The following RFX3 variants were observed in gnomAD, a reference collection of about 807,000 sequenced individuals.
The protein encoded by RFX3 is transcription factor RFX3.
Under a neutral mutation model 98.6 loss-of-function variants are expected in RFX3, and 14 were observed. That is an observed-to-expected ratio of 0.14 (90% CI 0.09 to 0.22). The LOEUF is 0.22. RFX3 is among the 10% of genes least tolerant of loss of function. The pLI is 1.00. For missense variants in RFX3, 639 were observed against 926.9 expected (o/e 0.69, Z 4.03); for synonymous variants, 383 against 328.4 (o/e 1.17, Z -1.80).
At chr9:3,411,405 A>C (rs1193209022) in intron 1 of RFX3, among the ~76,000 whole-genome samples, 4 of 151,808 alleles carry the variant, frequency 2.6e-5, no homozygotes, top group African/African-American at 9.7e-5. Flanking sequence ...TTCTGTTGCC[A>C]AGGCTGAAGT....
At chr9:3,462,852 TAAC>T (rs1847823698) in intron 1 of RFX3, among the ~76,000 whole-genome samples, 1 of 152,004 alleles carries the variant, frequency 6.6e-6, no homozygotes, top group Non-Finnish European at 1.5e-5. Context: ...GGAATAAAGT[TAAC>T]AAAAAATATA....
intron 2 of RFX3, among the ~76,000 whole-genome samples, chr9:3,392,113 C>G (rs911663867): frequency 2.6e-5 from 4 of 152,086 alleles, no homozygotes; most frequent in Non-Finnish European, 4.4e-5. Flanking sequence ...ATTAAAAAGC[C>G]TTGTCAGTCA....
chr9:3,365,464 T>C (rs949920009), intron 2 of RFX3, among the ~76,000 whole-genome samples: 4 of 152,162 alleles, frequency 2.6e-5, no homozygotes, highest in Non-Finnish European at 5.9e-5. Flanking sequence ...CTTTAGAGAT[T>C]TACATTTCAT....
chr9:3,466,383 A>T (rs1848220167), intron 1 of RFX3, among the ~76,000 whole-genome samples: 1 of 152,172 alleles, frequency 6.6e-6, no homozygotes, highest in South Asian at 2.1e-4. Context: ...TCTCAAGCAA[A>T]TAATAAATTA....
chr9:3,496,869 C>G (rs1261132020), intron 1 of RFX3, among the ~76,000 whole-genome samples: 1 of 151,964 alleles, frequency 6.6e-6, no homozygotes, highest in African/African-American at 2.4e-5. Flanking sequence ...GTTAAAGATA[C>G]TTGTGTATGT....
Position 3,374,316 on chromosome 9 carries a change from G to A in RFX3, c.117+21156C>T, listed in dbSNP as rs189738520. On this transcript the variant is annotated intron_variant, in intron 2 of 16. Coordinates refer to ENST00000617270, the MANE Select transcript of RFX3 (RefSeq NM_001282116.2). The stretch of plus-strand genomic sequence containing the variant: ...AATTATCATATGATCCAGCAATTCC[G>A]CTTCTCAGTATATACTCAAAATAAT... 1.2e-4 allele frequency among the ~76,000 whole-genome samples: 18 copies of A among 152,164 alleles called. No individual in the cohort carries two copies. The East Asian group carries it at 2.1e-3, about 18-fold the overall frequency.
At position 3,423,389 on chromosome 9, in the gene RFX3, T is replaced by C. The variant is rs112308254; in HGVS notation, c.-8-27793A>G. On this transcript the variant is annotated intron_variant, in intron 1 of 16. Transcript: ENST00000617270. ...GCTAAAACTGAAAACCAAATATACA[T>C]CAAGAGGTGAATGGACAAACTGTAG... Among the ~76,000 whole-genome samples the C allele has an allele frequency of 7.4e-3, 1,125 of 152,130 alleles. 10 individuals are homozygous for C. Among genetic ancestry groups the C allele is most frequent in the African/African-American group, 0.026 (1,070 of 41,472 alleles).
chr9:3,275,646 T>C (rs1397076189), intron 8 of RFX3, 34 bp from the exon 9 acceptor site: 5 of 1,318,954 alleles, frequency 3.8e-6, no homozygotes, highest in Middle Eastern at 1.8e-4. Flanking sequence ...AAAAAAGCTA[T>C]TGTGGATGGT....
chr9:3,505,039 T>C (rs1243672442), intron 1 of RFX3, among the ~76,000 whole-genome samples: 1 of 90,770 alleles, frequency 1.1e-5, no homozygotes, highest in African/African-American at 4.5e-5. Context: ...TAATATAATA[T>C]ATTTTATATT....
intron 3 of RFX3, among the ~76,000 whole-genome samples, chr9:3,342,660 C>T (rs570126814): frequency 1.1e-3 from 172 of 151,948 alleles, no homozygotes; most frequent in African/African-American, 4.0e-3. Flanking sequence ...AGAAAAAAAT[C>T]ATTTTATTTT....
chr9:3,378,307 T>C (rs1020820615), intron 2 of RFX3, among the ~76,000 whole-genome samples: 2 of 152,162 alleles, frequency 1.3e-5, no homozygotes, highest in South Asian at 2.1e-4. Flanking sequence ...GTAAGCTATA[T>C]GTGGAAAAAT....
chr9:3,380,351 C>G (rs1399979625), intron 2 of RFX3, among the ~76,000 whole-genome samples: 1 of 152,196 alleles, frequency 6.6e-6, no homozygotes, highest in Admixed American at 6.5e-5. Context: ...CACCTCTTTG[C>G]TCCCACATCC....
intron 1 of RFX3, among the ~76,000 whole-genome samples, chr9:3,478,364 T>G (rs1849450436): frequency 6.6e-6 from 1 of 151,888 alleles, no homozygotes; most frequent in Non-Finnish European, 1.5e-5. Context: ...ATTTTACAGA[T>G]CCTGTATTCC....
At chr9:3,482,164 A>G (rs140882357) in intron 1 of RFX3, among the ~76,000 whole-genome samples, 2 of 152,212 alleles carry the variant, frequency 1.3e-5, no homozygotes, top group East Asian at 3.9e-4. Context: ...CATACATACA[A>G]TGCTAATAAA....
rs1267659242 is a variant in RFX3, at chr9:3,225,263, C to G, written c.2029G>C (p.Glu677Gln). The G allele has an allele frequency of 6.2e-7, 1 of 1,613,638 alleles. No homozygotes were observed. The highest frequency in any genetic ancestry group is 8.5e-7 in the Non-Finnish European group (1 of 1,179,884). The change falls in exon 17 of 17, where the codon GAA becomes CAA. Residue 677 changes from glutamate to glutamine, a missense_variant. Coordinates refer to ENST00000617270, the MANE Select transcript of RFX3 (RefSeq NM_001282116.2). The stretch of plus-strand genomic sequence containing the variant: ...TCCAGTTCTTCATCCATTTCACTTT[C>G]TACTTCACTGCCTTCATCTGCACAA... ...NLDKDEGSEV[E>Q]SEMDEELDDS...
rs576512761 is a variant in RFX3, at chr9:3,392,093, A to T, written c.117+3379T>A. Among the ~76,000 whole-genome samples, 7 of 152,322 alleles carry T rather than the reference A, an allele frequency of 4.6e-5. No individual in the cohort carries two copies. The South Asian group carries it at 1.4e-3, about 32-fold the overall frequency. On this transcript the variant is annotated intron_variant, in intron 2 of 16. Coordinates refer to ENST00000617270, the MANE Select transcript of RFX3 (RefSeq NM_001282116.2). ...GGCAAACAAAGATACTGAACATCAG[A>T]GGGTTCTTAATTAAAAAGCCTTGTC...
At chr9:3,310,564 G>C (rs1041066234) in intron 4 of RFX3, among the ~76,000 whole-genome samples, 3 of 152,108 alleles carry the variant, frequency 2.0e-5, no homozygotes, top group Admixed American at 2.0e-4. Flanking sequence ...TTTGAAAATG[G>C]AATAGTACAA....
At chr9:3,502,914 G>C (rs931593920) in intron 1 of RFX3, among the ~76,000 whole-genome samples, 1 of 152,114 alleles carries the variant, frequency 6.6e-6, no homozygotes, top group African/African-American at 2.4e-5. Context: ...GAGAGTGATG[G>C]ATACATGGAA....
At chr9:3,251,404 G>T (rs965032644) in intron 14 of RFX3, among the ~76,000 whole-genome samples, 1 of 151,740 alleles carries the variant, frequency 6.6e-6, no homozygotes, top group Non-Finnish European at 1.5e-5. Context: ...CTGGGGTGTG[G>T]TGATGCCATT....
Sources: allele counts gnomAD v4.1 joint callset (sites outside exome capture counted in the v4.1 genomes callset), GRCh38; gene constraint gnomAD v4.1.1; transcripts MANE v1.5; gene names NCBI Gene and HGNC (gene_info 2026-07-23, HGNC 2026-07-21).